Variants in PPP4R4 observed in about 807,000 individuals in gnomAD.
PPP4R4 encodes the protein protein phosphatase 4 regulatory subunit 4.
A neutral mutation model predicts 121.8 loss-of-function variants in PPP4R4; 70 were observed. The observed-to-expected ratio is 0.57, with a 90% CI of 0.47 to 0.70. The LOEUF is 0.70. PPP4R4 is among the 30% of genes least tolerant of loss of function. PPP4R4 has a pLI of 0.00. For synonymous variants in PPP4R4, 348 were observed against 355.7 expected (o/e 0.98, Z 0.24); for missense variants, 875 against 1,033.6 (o/e 0.85, Z 2.10).
At chr14:94,241,125 T>C (rs574093748) in intron 9 of PPP4R4, among the ~76,000 whole-genome samples, 1 of 152,268 alleles carries the variant, frequency 6.6e-6, no homozygotes, top group East Asian at 1.9e-4. Context: ...TATACACTTA[T>C]TAACCATTTA....
At position 94,237,692 on chromosome 14, in the gene PPP4R4, T is replaced by C; in HGVS notation, c.853+6T>C. 1 of 1,611,450 alleles carries C rather than the reference T, an allele frequency of 6.2e-7. No homozygotes were observed. The highest frequency in any genetic ancestry group is 1.7e-5 in the Admixed American group (1 of 59,936). On this transcript the variant is annotated splice_donor_region_variant and intron_variant, in intron 8 of 24. Coordinates refer to ENST00000304338, the MANE Select transcript of PPP4R4 (RefSeq NM_058237.2). The stretch of plus-strand genomic sequence containing the variant: ...GCTTGATATATTTGATACAGGTAAA[T>C]CATGTGGCTACATCTTTGCTTCTGA...
intron 3 of PPP4R4, among the ~76,000 whole-genome samples, chr14:94,223,974 C>T (rs1891554745): frequency 6.6e-6 from 1 of 152,094 alleles, no homozygotes; most frequent in South Asian, 2.1e-4. Context: ...AAATATTTTG[C>T]CAAAACCCTT....
chr14:94,231,754 C>T (rs1892050855), intron 5 of PPP4R4, among the ~76,000 whole-genome samples: 1 of 152,112 alleles, frequency 6.6e-6, no homozygotes, highest in Non-Finnish European at 1.5e-5. Flanking sequence ...TTCTGTAGAG[C>T]TCTTCCTGTT....
At chr14:94,272,355 G>T (rs952257412) in intron 23 of PPP4R4, among the ~76,000 whole-genome samples, 1 of 152,104 alleles carries the variant, frequency 6.6e-6, no homozygotes, top group Non-Finnish European at 1.5e-5. Context: ...ATAGACCCAC[G>T]TAAGTGTAGT....
In PPP4R4 at chr14:94,279,486, T is replaced by A. The variant is rs1051213249; in HGVS notation, c.*843T>A. 14 of 152,640 alleles carry A rather than the reference T, an allele frequency of 9.2e-5. No individual in the cohort carries two copies. Among genetic ancestry groups the A allele is most frequent in the African/African-American group, 3.4e-4 (14 of 41,458 alleles). 9.5% of individuals were successfully genotyped at this position (152,640 alleles called of 1,614,324 possible). On this transcript the variant is annotated 3_prime_UTR_variant, in exon 25 of 25. Coordinates refer to ENST00000304338, the MANE Select transcript of PPP4R4 (RefSeq NM_058237.2). ...TTTCCATCAAAATTTGCCTGTGGAA[T>A]ATATACAGTTCTTAATTTTAAACTG...
intron 2 of PPP4R4, among the ~76,000 whole-genome samples, chr14:94,184,322 G>C (rs1185630337): frequency 6.6e-6 from 1 of 151,930 alleles, no homozygotes; most frequent in African/African-American, 2.4e-5. Flanking sequence ...GCAGTGGTGC[G>C]ATCACAGCTC....
intron 3 of PPP4R4, 28 bp from the exon 4 acceptor site, chr14:94,230,559 A>T (rs1203093980): frequency 1.6e-5 from 26 of 1,584,270 alleles, no homozygotes; most frequent in Non-Finnish European, 2.2e-5. Flanking sequence ...TCATCTATGT[A>T]AATAGCAAAC....
In PPP4R4 at chr14:94,244,688, A is replaced by G. The variant is rs1172824590; in HGVS notation, c.1320A>G (p.Thr440=). The change falls in exon 12 of 25, where the codon ACA becomes ACG. Residue 440 remains threonine, a synonymous_variant. Transcript: ENST00000304338. ...ATTTAATACATAAAGAACTAATAAC[A>G]TTATTACAAGATGAATCACTGGAGG... ...GVYLIHKELI[T]LLQDESLEVL... 6.7e-6 allele frequency: 10 copies of G among 1,496,602 alleles called. No homozygotes were observed. Among genetic ancestry groups the G allele is most frequent in the Non-Finnish European group, 9.0e-6 (10 of 1,106,712 alleles). The allele number at this position is 1,496,602 out of a possible 1,614,324, so 92.7% of individuals were successfully genotyped here. A position where few individuals can be genotyped will look rare whatever the true frequency, so the allele number is the denominator to read the frequency against.
intron 23 of PPP4R4, among the ~76,000 whole-genome samples, chr14:94,269,266 A>G (rs7144115): frequency 0.11 from 17,376 of 152,202 alleles, 1,175 homozygotes; most frequent in African/African-American, 0.18. Context: ...GTATAGAATA[A>G]CATTCCATTC....
intron 15 of PPP4R4, among the ~76,000 whole-genome samples, chr14:94,250,801 T>C (rs901965154): frequency 1.3e-5 from 2 of 152,024 alleles, no homozygotes; most frequent in South Asian, 4.1e-4. Context: ...GTTTATAGTA[T>C]TGATTCTAGA....
Position 94,230,709 on chromosome 14 carries a change from C to T in PPP4R4, c.417C>T (p.Leu139=). Residue 139 remains leucine, a synonymous_variant, in exon 4 of 25, where the codon CTC becomes CTT. Transcript: ENST00000304338. ...CCCACTCATTCCTCCAAGTCATTCT[C>T]CTGCATCTGGAGCACAGGGACACAG... ...AYTHSFLQVI[L]LHLEHRDTGV... The T allele has an allele frequency of 6.2e-7, 1 of 1,613,608 alleles. No homozygotes were observed. The highest frequency in any genetic ancestry group is 8.5e-7 in the Non-Finnish European group (1 of 1,179,580).
chr14:94,211,624 G>A (rs74074127), intron 3 of PPP4R4, among the ~76,000 whole-genome samples: 17,806 of 152,072 alleles, frequency 0.12, 1,259 homozygotes, highest in African/African-American at 0.19. Flanking sequence ...GTGAAAAGTC[G>A]TTGAAGTCTT....
At chr14:94,193,218 C>G (rs1454479146) in intron 2 of PPP4R4, among the ~76,000 whole-genome samples, 1 of 152,008 alleles carries the variant, frequency 6.6e-6, no homozygotes, top group Non-Finnish European at 1.5e-5. Flanking sequence ...ACAGTTTTCT[C>G]TAGCAGTGCT....
intron 11 of PPP4R4, among the ~76,000 whole-genome samples, chr14:94,243,242 T>C (rs1420906729): frequency 1.3e-5 from 2 of 152,180 alleles, no homozygotes; most frequent in African/African-American, 4.8e-5. Flanking sequence ...TATGAAAATA[T>C]ATATGCATTA....
chr14:94,200,550 G>C (rs1218318970), intron 2 of PPP4R4, among the ~76,000 whole-genome samples: 1 of 152,008 alleles, frequency 6.6e-6, no homozygotes, highest in African/African-American at 2.4e-5. Context: ...ATTTCTTCCT[G>C]GTTTAATCTA....
At chr14:94,267,753 A>AT (rs1894120989) in intron 23 of PPP4R4, among the ~76,000 whole-genome samples, 1 of 152,102 alleles carries the variant, frequency 6.6e-6, no homozygotes, top group Non-Finnish European at 1.5e-5. Flanking sequence ...ATCTATGGTA[A>AT]TTTTTTTAGG....
chr14:94,230,758 T>C, intron 4 of PPP4R4, 24 bp downstream of exon 4: 1 of 1,585,298 alleles, frequency 6.3e-7, no homozygotes, highest in Non-Finnish European at 8.6e-7. Context: ...CATGCTTAAT[T>C]ATATACTTGT....
At chr14:94,183,168 A>G (rs77645081) in intron 2 of PPP4R4, among the ~76,000 whole-genome samples, 2,051 of 152,228 alleles carry the variant, frequency 0.013, 15 homozygotes, top group South Asian at 0.025. Flanking sequence ...TTCTTAGAAA[A>G]AGAGAAACAA....
At chr14:94,261,610 G>C (rs1893789035) in intron 19 of PPP4R4, among the ~76,000 whole-genome samples, 1 of 151,948 alleles carries the variant, frequency 6.6e-6, no homozygotes, top group Non-Finnish European at 1.5e-5. Context: ...GTAAAATTAA[G>C]GTGGTACAAG....
Sources: allele counts gnomAD v4.1 joint callset (sites outside exome capture counted in the v4.1 genomes callset), GRCh38; gene constraint gnomAD v4.1.1; transcripts MANE v1.5; gene names NCBI Gene and HGNC (gene_info 2026-07-23, HGNC 2026-07-21).